The following TTC19 variants were observed in gnomAD, a reference collection of about 807,000 sequenced individuals.
TTC19 encodes tetratricopeptide repeat protein 19, mitochondrial.
Under a neutral mutation model 49.5 loss-of-function variants are expected in TTC19, and 38 were observed. The observed-to-expected ratio is 0.77, with a 90% CI of 0.59 to 1.01. The LOEUF is 1.01. Ranked by LOEUF, TTC19 falls within the 50% of genes least tolerant of loss-of-function variation. The pLI, the probability that TTC19 is intolerant of heterozygous loss-of-function variation, is 0.00. For missense variants in TTC19, 475 were observed against 477.7 expected, an observed-to-expected ratio of 0.99 and a Z score of 0.05; for synonymous variants, 204 against 185.2, an observed-to-expected ratio of 1.10 and a Z score of -0.83.
intron 2 of TTC19, chr17:16,034,633 A>G (rs961177400): frequency 2.4e-6 from 2 of 824,020 alleles, no homozygotes; most frequent in African/African-American, 3.4e-5. Context: ...GGGAAAGTGG[A>G]ACATATTAAT....
chr17:16,034,714 C>A, intron 2 of TTC19: 1 of 1,469,794 alleles, frequency 6.8e-7, no homozygotes, highest in South Asian at 1.3e-5. Context: ...ATAACCAAGA[C>A]ATTGATATTA....
chr17:16,018,245 G>T (rs1048450208), intron 7 of TTC19, among the ~76,000 whole-genome samples: 1 of 122,376 alleles, frequency 8.2e-6, no homozygotes, highest in Non-Finnish European at 2.0e-5. Flanking sequence ...TATGAAGCTT[G>T]CTTAGTCCCT....
chr17:16,044,296 G>A (rs187537108), intron 2 of TTC19: 288 of 432,564 alleles, frequency 6.7e-4, no homozygotes, highest in African/African-American at 5.6e-3. Flanking sequence ...AATTAAGAGC[G>A]AGGACAAGTT....
In TTC19 at chr17:16,027,503, C is replaced by G; in HGVS notation, c.1124C>G (p.Thr375Arg). 1 of 1,613,958 alleles carries G rather than the reference C, an allele frequency of 6.2e-7. No individual in the cohort carries two copies. The change falls in exon 10 of 10, where the codon ACA (threonine) becomes AGA (arginine). Residue 375 changes from threonine (T) to arginine (R), a missense_variant. Transcript: ENST00000261647. Reference protein sequence around the residue: ...AELSKKSRPLTNSVKL With the variant: ...AELSKKSRPLRNSVKL Reference sequence around the variant, plus strand: ...CTGTCAAAGAAAAGTAGACCTTTGACAAATTCTGTCAAGCTCTAAATCCAT... The same window carrying G: ...CTGTCAAAGAAAAGTAGACCTTTGAGAAATTCTGTCAAGCTCTAAATCCAT...
At chr17:16,018,595 C>T (rs1456553076) in intron 7 of TTC19, among the ~76,000 whole-genome samples, 2 of 152,190 alleles carry the variant, frequency 1.3e-5, no homozygotes, top group Admixed American at 6.5e-5. Context: ...CAGCCTCAAC[C>T]TCCCAGGCTC....
rs1178465677 is a variant in TTC19 at position 16,027,780 on chromosome 17, C to A, written c.*258C>A. On this transcript the variant is annotated 3_prime_UTR_variant, in exon 10 of 10. Coordinates refer to ENST00000261647, the MANE Select transcript of TTC19 (RefSeq NM_017775.4). ...TTCAGTTGTAACACGTGACTTGGTG[C>A]TGTCCCTGCTGGTCTAAGTAGAACT... 7.3e-6 allele frequency: 4 copies of A among 549,636 alleles called. No homozygotes were observed. In the Admixed American group the frequency reaches 8.8e-5, roughly 12 times the overall value. The allele number at this position is 549,636 out of a possible 1,614,324, so 34.0% of individuals were successfully genotyped here.
rs1201903399 is a variant in TTC19, at chr17:16,035,646, C to G, written c.248-8857C>G. 4.0e-5 allele frequency among the ~76,000 whole-genome samples: 6 copies of G among 151,344 alleles called. No individual in the cohort carries two copies. The East Asian group carries it at 1.2e-3, about 29-fold the overall frequency. ...AAAGCCTCAACTTCTTGGGCTCAAG[C>G]AATCCTCCCACCTCAGACCCAAGTA... On this transcript the variant is annotated intron_variant, in intron 2 of 2. Transcript: ENST00000470649.
chr17:16,029,483 A>C, downstream of TTC19: 1 of 272,558 alleles, frequency 3.7e-6, no homozygotes, highest in Non-Finnish European at 7.3e-6. Context: ...AAGCATTATG[A>C]AATTTGCAGT....
intron 2 of TTC19, chr17:16,039,657 G>C (rs761258580): frequency 3.1e-6 from 5 of 1,611,266 alleles, no homozygotes; most frequent in Middle Eastern, 1.7e-4. Context: ...AACTGAGCCT[G>C]AAAGAGAATC....
intron 7 of TTC19, among the ~76,000 whole-genome samples, chr17:16,016,233 T>TG (rs975641251): frequency 3.9e-5 from 6 of 152,170 alleles, no homozygotes; most frequent in Non-Finnish European, 4.4e-5. Flanking sequence ...TTTCCAATTT[T>TG]GGGGGGGATT....
rs926746606 is a variant in TTC19, at chr17:16,000,021, CGCT to C, written c.178_180del (p.Leu60del). ...CACGGCCGGGGCCCAGGCCTGCTGCCGCTGCTGGCAGGTGAGGGGCGCGGGCCG... is the reference window on the plus strand; with the variant it reads ...CACGGCCGGGGCCCAGGCCTGCTGCCGCTGGCAGGTGAGGGGCGCGGGCCG... On this transcript the variant is annotated inframe_deletion, in exon 1 of 10. Transcript: ENST00000261647. 1.6e-6 allele frequency: 2 copies of C among 1,242,304 alleles called. No individual in the cohort carries two copies. Among genetic ancestry groups the C allele is most frequent in the African/African-American group, 3.2e-5 (2 of 63,094 alleles). The allele number at this position is 1,242,304 out of a possible 1,614,324, so 77.0% of individuals were successfully genotyped here. A position where few individuals can be genotyped will look rare whatever the true frequency, so the allele number is the denominator to read the frequency against.
At chr17:16,032,406 G>T, downstream of TTC19, 1 of 1,614,094 alleles carries the variant, frequency 6.2e-7, no homozygotes, top group Non-Finnish European at 8.5e-7. Context: ...ACCGCAGAGG[G>T]AGCACATGCA....
At chr17:16,027,254 C>A in intron 9 of TTC19, 120 bp from the exon 10 acceptor site, 1 of 1,178,814 alleles carries the variant, frequency 8.5e-7, no homozygotes, top group Non-Finnish European at 1.2e-6. Flanking sequence ...GCAGCACCAG[C>A]TTGTCGCTTC....
downstream of TTC19, among the ~76,000 whole-genome samples, chr17:16,034,298 C>T (rs903505170): frequency 1.3e-5 from 2 of 152,080 alleles, no homozygotes; most frequent in African/African-American, 2.4e-5. Flanking sequence ...TATGTGCATT[C>T]AGTTTCTATT....
chr17:16,034,480 C>T (rs972110072), intron 2 of TTC19, among the ~76,000 whole-genome samples: 7 of 151,990 alleles, frequency 4.6e-5, no homozygotes, highest in East Asian at 3.9e-4. Flanking sequence ...TGGTCGTGCA[C>T]GCCTGTAGTC....
At chr17:16,006,101 T>C (rs1019646705) in intron 6 of TTC19, among the ~76,000 whole-genome samples, 6 of 152,182 alleles carry the variant, frequency 3.9e-5, no homozygotes, top group Non-Finnish European at 7.4e-5. Flanking sequence ...AAAATGAAGA[T>C]AAAAAGAATT....
chr17:16,041,477 G>A (rs966886379), intron 2 of TTC19, among the ~76,000 whole-genome samples: 2 of 135,210 alleles, frequency 1.5e-5, no homozygotes, highest in African/African-American at 5.5e-5. Context: ...GCAATGGCGT[G>A]ATCTAGGCTC....
chr17:16,001,672 T>C (rs1202750278), intron 2 of TTC19, among the ~76,000 whole-genome samples: 2 of 152,234 alleles, frequency 1.3e-5, no homozygotes, highest in Non-Finnish European at 2.9e-5. Context: ...TAAGATCACA[T>C]TCCTTCTGCC....
At position 16,029,106 on chromosome 17, in the gene TTC19, T is replaced by TGAG. The variant is rs758709551; in HGVS notation, c.*1584_*1585insGAG. On this transcript the variant is annotated 3_prime_UTR_variant, in exon 10 of 10. Coordinates refer to ENST00000261647, the MANE Select transcript of TTC19 (RefSeq NM_017775.4). ...AAAATTAATGTCAACCACTCACCTT[T>TGAG]TGCATTGAGAATGTTTTTACCTTTT... 8,131 of 452,620 alleles carry TGAG rather than the reference T, an allele frequency of 0.018. 105 individuals carry two copies. Among genetic ancestry groups the TGAG allele is most frequent in the Non-Finnish European group, 0.021 (4,754 of 226,428 alleles). 28.0% of individuals were successfully genotyped at this position (452,620 alleles called of 1,614,324 possible). A position where few individuals can be genotyped will look rare whatever the true frequency, so the allele number is the denominator to read the frequency against.
Sources: gnomAD v4.1 joint callset for allele counts (sites outside exome capture counted in the v4.1 genomes callset) on GRCh38, gnomAD v4.1.1 for gene constraint, MANE v1.5 for transcripts, NCBI Gene and HGNC (gene_info 2026-07-23, HGNC 2026-07-21) for gene names.